The following AFF2 variants were observed in gnomAD, a reference collection of about 807,000 sequenced individuals.
The protein encoded by AFF2 is ALF transcription elongation factor 2.
A neutral mutation model predicts 76.9 loss-of-function variants in AFF2; 14 were observed. The observed-to-expected ratio is 0.18, with a 90% CI of 0.12 to 0.28. The LOEUF (loss-of-function observed/expected upper bound fraction) is 0.28, where lower values mean the gene tolerates loss of function less well. AFF2 is among the 10% of genes least tolerant of loss of function. The pLI is 1.00. For synonymous variants in AFF2, 398 were observed against 366.7 expected (o/e 1.09, Z -0.98); for missense variants, 868 against 1,001.1 (o/e 0.87, Z 1.79).
At chrX:148,773,706 GAA>G (rs1248155508) in intron 3 of AFF2, among the ~76,000 whole-genome samples, 1 of 91,418 alleles carries the variant, frequency 1.1e-5, no homozygotes, top group African/African-American at 5.1e-5. Context: ...AAGAAAGAAA[GAA>G]AGAAAGAAAG....
chrX:148,658,174 C>A (rs1321437064), intron 2 of AFF2, among the ~76,000 whole-genome samples: 5 of 111,823 alleles, frequency 4.5e-5, no homozygotes, highest in African/African-American at 1.6e-4. Flanking sequence ...CTGTGCGTAA[C>A]CCTGCCTCAG....
chrX:148,847,577 T>G (rs1221229755), intron 7 of AFF2, among the ~76,000 whole-genome samples: 1 of 111,878 alleles, frequency 8.9e-6, no homozygotes, highest in African/African-American at 3.3e-5. Flanking sequence ...TGGTATTAAC[T>G]ATATGTTTTA....
rs1270863494 is a variant in AFF2 at position 148,960,185 on chromosome X, T to C, written c.2690+1727T>C. On this transcript the variant is annotated intron_variant, in intron 12 of 20. Coordinates refer to ENST00000370460, the MANE Select transcript of AFF2 (RefSeq NM_002025.4). Reference sequence around the variant, plus strand: ...TAGCTTTATTTAGCAGCTCCTTCACTGGGTGAGTGTTACATTTATACATTA... The same window carrying C: ...TAGCTTTATTTAGCAGCTCCTTCACCGGGTGAGTGTTACATTTATACATTA... Among the ~76,000 whole-genome samples the C allele has an allele frequency of 2.7e-5, 3 of 112,472 alleles. No homozygotes were observed. In the Admixed American group the frequency reaches 2.8e-4, roughly 11 times the overall value.
chrX:148,581,630 ATACGTG>A (rs1398939951), intron 1 of AFF2, among the ~76,000 whole-genome samples: 4 of 103,101 alleles, frequency 3.9e-5, no homozygotes, highest in Non-Finnish European at 7.9e-5. Context: ...ACGTATACGT[ATACGTG>A]TACACACATA....
chrX:148,620,029 G>A (rs1557251009), intron 1 of AFF2, among the ~76,000 whole-genome samples: 1 of 111,867 alleles, frequency 8.9e-6, no homozygotes, highest in Non-Finnish European at 1.9e-5. Flanking sequence ...TTAGCTCAGA[G>A]GGACTAAGTC....
At chrX:148,732,688 A>G (rs1347349415) in intron 3 of AFF2, among the ~76,000 whole-genome samples, 1 of 108,935 alleles carries the variant, frequency 9.2e-6, no homozygotes, top group Non-Finnish European at 1.9e-5. Flanking sequence ...TTATGTATAG[A>G]ATGGGAGTAC....
At chrX:148,950,298 G>T (rs1190846853) in intron 9 of AFF2, among the ~76,000 whole-genome samples, 1 of 112,150 alleles carries the variant, frequency 8.9e-6, no homozygotes, top group Non-Finnish European at 1.9e-5. Flanking sequence ...TTAGCAGACT[G>T]GCTGCATCTA....
chrX:148,822,704 G>GGTGTGTGT lies in AFF2; in HGVS notation c.1086+12812_1086+12819dup, dbSNP rs36003565. Among the ~76,000 whole-genome samples the GGTGTGTGT allele has an allele frequency of 1.4e-3, 132 of 92,248 alleles. 1 individual carries two copies. The highest frequency in any genetic ancestry group is 5.0e-3 in the African/African-American group (129 of 25,631). 80.1% of individuals were successfully genotyped at this position (92,248 alleles called of 115,157 possible). On this transcript the variant is annotated intron_variant, in intron 4 of 20. Coordinates refer to ENST00000370460, the MANE Select transcript of AFF2 (RefSeq NM_002025.4). The stretch of plus-strand genomic sequence containing the variant: ...TTCTTCCCTAAAGTGATTCCTCCAG[G>GGTGTGTGT]GTGTGTGTGTGTGTGTGTGTGTGTG...
At chrX:148,862,536 A>G (rs1183181003) in intron 7 of AFF2, among the ~76,000 whole-genome samples, 1 of 111,866 alleles carries the variant, frequency 8.9e-6, no homozygotes, top group African/African-American at 3.2e-5. Context: ...GCTTGGCTCT[A>G]TTAACGCCAG....
chrX:148,878,495 C>T (rs1215123386), intron 7 of AFF2, among the ~76,000 whole-genome samples: 1 of 111,534 alleles, frequency 9.0e-6, no homozygotes, highest in East Asian at 2.8e-4. Context: ...TTCCTGAAAT[C>T]TCACCGGCAA....
chrX:148,695,160 C>T (rs1402412052), intron 3 of AFF2, among the ~76,000 whole-genome samples: 1 of 111,391 alleles, frequency 9.0e-6, no homozygotes, highest in Non-Finnish European at 1.9e-5. Context: ...TTCCAGTTAC[C>T]ATTTGTGTGG....
chrX:148,905,753 G>A (rs1557281376), intron 9 of AFF2, among the ~76,000 whole-genome samples: 1 of 112,693 alleles, frequency 8.9e-6, no homozygotes, highest in Non-Finnish European at 1.9e-5. Context: ...TGCATGCATG[G>A]AATAGCCCAT....
chrX:148,629,225 T>TTAGCC (rs2124428829), intron 1 of AFF2, among the ~76,000 whole-genome samples: 1 of 110,742 alleles, frequency 9.0e-6, no homozygotes, highest in South Asian at 3.8e-4. Flanking sequence ...ACAGGACTGA[T>TTAGCC]TAGCCTCTGA....
intron 3 of AFF2, among the ~76,000 whole-genome samples, chrX:148,669,484 C>T (rs782049648): frequency 8.9e-6 from 1 of 112,008 alleles, no homozygotes; most frequent in Non-Finnish European, 1.9e-5. Context: ...CTTACAGTTC[C>T]ATGTGGCTGG....
intron 1 of AFF2, among the ~76,000 whole-genome samples, chrX:148,649,477 G>A (rs1376598123): frequency 9.8e-5 from 11 of 112,601 alleles, no homozygotes; most frequent in Non-Finnish European, 1.7e-4. Flanking sequence ...GCTCTGTGGA[G>A]ATTAAATTCA....
At chrX:148,852,185 A>G (rs1245611233) in intron 7 of AFF2, among the ~76,000 whole-genome samples, 3 of 111,251 alleles carry the variant, frequency 2.7e-5, no homozygotes, top group Admixed American at 9.6e-5. Flanking sequence ...TGCAATGAAC[A>G]TACGTGTGCG....
In AFF2 at chrX:148,915,993, A is replaced by C. The variant is rs1423492796; in HGVS notation, c.1397+11735A>C. On this transcript the variant is annotated intron_variant, in intron 9 of 20. Coordinates refer to ENST00000370460, the MANE Select transcript of AFF2 (RefSeq NM_002025.4). Reference sequence around the variant, plus strand: ...TTTACATATGTGATGGAACTAGAAAAAGCTATGTGTTTTTAAAATCAACAC... The same window carrying C: ...TTTACATATGTGATGGAACTAGAAACAGCTATGTGTTTTTAAAATCAACAC... Among the ~76,000 whole-genome samples, 3 of 110,951 alleles carry C rather than the reference A, an allele frequency of 2.7e-5. No homozygotes were observed. The East Asian group carries it at 8.5e-4, about 32-fold the overall frequency.
rs781978060 is a variant in AFF2 at position 148,953,701 on chromosome X, A to G, written c.1519A>G (p.Ser507Gly). ...AGACACTGAAAGTAGCACCACTGAC[A>G]GCGAATCTAATGAGGCACCTCGTGT... Reference protein sequence around the residue: ...DSDTESSTTDSESNEAPRVAT... With the variant: ...DSDTESSTTDGESNEAPRVAT... Residue 507 changes from serine to glycine, a missense_variant, in exon 10 of 21, where the codon AGC (serine) becomes GGC (glycine). Transcript: ENST00000370460. 1 of 1,210,820 alleles carries G rather than the reference A, an allele frequency of 8.3e-7. No individual in the cohort carries two copies. Among genetic ancestry groups the G allele is most frequent in the Non-Finnish European group, 1.1e-6 (1 of 895,231 alleles).
intron 1 of AFF2, among the ~76,000 whole-genome samples, chrX:148,612,879 G>A (rs2053748338): frequency 9.0e-6 from 1 of 111,344 alleles, no homozygotes; most frequent in African/African-American, 3.3e-5. Context: ...TGAAAAGGAG[G>A]GGGAGGGAAA....
Sources: allele counts gnomAD v4.1 joint callset (sites outside exome capture counted in the v4.1 genomes callset), GRCh38; gene constraint gnomAD v4.1.1; transcripts MANE v1.5; gene names NCBI Gene and HGNC (gene_info 2026-07-23, HGNC 2026-07-21).